RPRD1B: variants seen among roughly 807,000 people sequenced by gnomAD.
RPRD1B encodes regulation of nuclear pre-mRNA domain containing 1B.
Under a neutral mutation model 41.5 loss-of-function variants are expected in RPRD1B, and 11 were observed. That is an observed-to-expected ratio of 0.27 (90% CI 0.17 to 0.44). RPRD1B has a LOEUF of 0.44. RPRD1B is among the 20% of genes least tolerant of loss of function. The pLI, the probability that RPRD1B is intolerant of heterozygous loss-of-function variation, is 1.00. For missense variants in RPRD1B, 248 were observed against 389.9 expected (o/e 0.64, Z 3.06); for synonymous variants, 158 against 155.6 (o/e 1.02, Z -0.12).
intron 6 of RPRD1B, among the ~76,000 whole-genome samples, chr20:38,087,215 C>T (rs1319883669): frequency 2.6e-5 from 4 of 152,224 alleles, no homozygotes; most frequent in African/African-American, 9.6e-5. Context: ...CTGCCTCGGC[C>T]TCCCAAAGTG....
intron 2 of RPRD1B, among the ~76,000 whole-genome samples, chr20:38,043,825 G>A (rs2074093399): frequency 6.6e-6 from 1 of 152,284 alleles, no homozygotes; most frequent in Admixed American, 6.5e-5. Flanking sequence ...GAAGATTGGG[G>A]AAAAGATTTG....
chr20:38,057,158 G>A (rs950075879), intron 3 of RPRD1B, among the ~76,000 whole-genome samples: 2 of 152,110 alleles, frequency 1.3e-5, no homozygotes, highest in Non-Finnish European at 2.9e-5. Context: ...TCCCTGGAAA[G>A]CATAACGTAT....
Position 38,090,447 on chromosome 20 carries a change from A to C in RPRD1B, c.*572A>C. 5 of 986,020 alleles carry C rather than the reference A, an allele frequency of 5.1e-6. No individual in the cohort carries two copies. The highest frequency in any genetic ancestry group is 6.0e-6 in the Non-Finnish European group (5 of 830,044). The allele number at this position is 986,020 out of a possible 1,614,324, so 61.1% of individuals were successfully genotyped here. A position where few individuals can be genotyped will look rare whatever the true frequency, so the allele number is the denominator to read the frequency against. ...CATTGCTTCTCCTAGTGATGCACGA[A>C]GATTAGGTGCATTTATTTTGTAAAC... is the stretch of plus-strand genomic sequence containing the variant. On this transcript the variant is annotated 3_prime_UTR_variant, in exon 7 of 7. Coordinates refer to ENST00000373433, the MANE Select transcript of RPRD1B (RefSeq NM_021215.4).
Position 38,092,150 on chromosome 20 carries a change from C to T in RPRD1B, c.*2275C>T, listed in dbSNP as rs6097752. 2.0e-6 allele frequency: 2 copies of T among 985,510 alleles called. No homozygotes were observed. Among genetic ancestry groups the T allele is most frequent in the Non-Finnish European group, 2.4e-6 (2 of 829,902 alleles). The allele number at this position is 985,510 out of a possible 1,614,324, so 61.0% of individuals were successfully genotyped here. ...TTTCTTTCTTAGGGCATCTGTAGGC[C>T]TCAAAGGACCTTTCCTTTAGGTCAT... is the stretch of plus-strand genomic sequence containing the variant. On this transcript the variant is annotated 3_prime_UTR_variant, in exon 7 of 7. Transcript: ENST00000373433.
intron 6 of RPRD1B, among the ~76,000 whole-genome samples, chr20:38,068,453 C>T (rs1167330459): frequency 1.3e-5 from 2 of 152,258 alleles, no homozygotes; most frequent in East Asian, 1.9e-4. Context: ...AGTGCAGTGA[C>T]GTGATCTCAG....
At chr20:38,036,428 C>A (rs1354576529) in intron 1 of RPRD1B, among the ~76,000 whole-genome samples, 1 of 152,146 alleles carries the variant, frequency 6.6e-6, no homozygotes, top group African/African-American at 2.4e-5. Context: ...TTAATGAGTG[C>A]CTCCCACCCC....
intron 6 of RPRD1B, among the ~76,000 whole-genome samples, chr20:38,067,702 A>G (rs2074371212): frequency 6.6e-6 from 1 of 152,348 alleles, no homozygotes; most frequent in South Asian, 2.1e-4. Flanking sequence ...TACAGCTTAG[A>G]TTTAGACATC....
intron 2 of RPRD1B, 109 bp from the exon 3 acceptor site, chr20:38,048,239 T>C: frequency 8.6e-7 from 1 of 1,160,646 alleles, no homozygotes; most frequent in South Asian, 2.0e-5. Flanking sequence ...GTTTTAAATG[T>C]GTAAATCATT....
chr20:38,074,407 A>G (rs2074440301), intron 6 of RPRD1B, among the ~76,000 whole-genome samples: 1 of 152,206 alleles, frequency 6.6e-6, no homozygotes. Flanking sequence ...ATAATGCCAC[A>G]TTATAATGTA....
intron 6 of RPRD1B, among the ~76,000 whole-genome samples, chr20:38,080,611 CGCCTCCCAGA>C (rs1177480089): frequency 6.6e-6 from 1 of 152,156 alleles, no homozygotes; most frequent in Non-Finnish European, 1.5e-5. Flanking sequence ...CTGCAACCTC[CGCCTCCCAGA>C]TTTGAGCAGT....
intron 6 of RPRD1B, among the ~76,000 whole-genome samples, chr20:38,073,150 G>C (rs2074427694): frequency 6.6e-6 from 1 of 152,190 alleles, no homozygotes; most frequent in Non-Finnish European, 1.5e-5. Flanking sequence ...AGTAGCCAAA[G>C]TTTAATCATT....
intron 6 of RPRD1B, chr20:38,070,379 C>T: frequency 1.0e-6 from 1 of 985,432 alleles, no homozygotes; most frequent in Non-Finnish European, 1.2e-6. Context: ...CAAATGGCAG[C>T]CCAAAGAGGA....
At chr20:38,058,692 C>G (rs972853244) in intron 4 of RPRD1B, among the ~76,000 whole-genome samples, 4 of 152,076 alleles carry the variant, frequency 2.6e-5, no homozygotes, top group African/African-American at 7.2e-5. Context: ...GTAGGTTGAT[C>G]AGTCAACATA....
At chr20:38,085,412 A>C (rs537750385) in intron 6 of RPRD1B, 2 of 152,258 alleles carry the variant, frequency 1.3e-5, no homozygotes, top group Non-Finnish European at 2.9e-5. Flanking sequence ...AACAAGAAGC[A>C]TGTGACCACC....
intron 1 of RPRD1B, among the ~76,000 whole-genome samples, chr20:38,039,033 A>G (rs2074035681): frequency 1.3e-5 from 2 of 152,192 alleles, no homozygotes; most frequent in South Asian, 4.1e-4. Context: ...TGGAACCAAA[A>G]ATTGTAGGGA....
intron 6 of RPRD1B, among the ~76,000 whole-genome samples, chr20:38,073,567 ATTG>A (rs2074431592): frequency 6.6e-6 from 1 of 152,140 alleles, no homozygotes; most frequent in African/African-American, 2.4e-5. Flanking sequence ...ATGATGGCAG[ATTG>A]TTGTTTTTGG....
chr20:38,039,406 CCTT>C (rs2074039631), intron 1 of RPRD1B, among the ~76,000 whole-genome samples: 1 of 150,330 alleles, frequency 6.7e-6, no homozygotes, highest in Non-Finnish European at 1.5e-5. Flanking sequence ...TTACAAGAAA[CCTT>C]TTTTTTTTTT....
intron 3 of RPRD1B, among the ~76,000 whole-genome samples, chr20:38,051,421 C>T (rs1345998281): frequency 2.0e-5 from 3 of 152,118 alleles, no homozygotes; most frequent in South Asian, 2.1e-4. Context: ...ATTGAGCATC[C>T]GTTATGTACC....
At chr20:38,087,865 A>G (rs2074576163) in intron 6 of RPRD1B, among the ~76,000 whole-genome samples, 1 of 152,150 alleles carries the variant, frequency 6.6e-6, no homozygotes, top group Non-Finnish European at 1.5e-5. Context: ...TGTTTTAGAT[A>G]TGGCTCATTC....
Sources: gnomAD v4.1 joint callset for allele counts (sites outside exome capture counted in the v4.1 genomes callset) on GRCh38, gnomAD v4.1.1 for gene constraint, MANE v1.5 for transcripts, NCBI Gene and HGNC (gene_info 2026-07-23, HGNC 2026-07-21) for gene names.